The following RIMS1 variants were observed in gnomAD, a reference collection of about 807,000 sequenced individuals.
RIMS1 encodes regulating synaptic membrane exocytosis protein 1.
RIMS1 carries 83 observed loss-of-function variants against 214.1 expected under a neutral mutation model. The observed-to-expected ratio is 0.39, with a 90% CI of 0.32 to 0.47. RIMS1 has a LOEUF of 0.47. Ranked by LOEUF, RIMS1 falls within the 20% of genes least tolerant of loss-of-function variation. The pLI, the probability that RIMS1 is intolerant of heterozygous loss-of-function variation, is 0.99. For missense variants in RIMS1, 2,050 were observed against 2,161.8 expected (o/e 0.95, Z 1.03); for synonymous variants, 793 against 786.8 (o/e 1.01, Z -0.13).
intron 2 of RIMS1, among the ~76,000 whole-genome samples, chr6:72,086,956 C>G (rs1834808918): frequency 6.6e-6 from 1 of 152,092 alleles, no homozygotes; most frequent in African/African-American, 2.4e-5. Context: ...ATAATGAGGG[C>G]CTTCATTCAC....
At chr6:72,235,964 G>C (rs1486720155) in intron 8 of RIMS1, among the ~76,000 whole-genome samples, 1 of 152,062 alleles carries the variant, frequency 6.6e-6, no homozygotes, top group East Asian at 1.9e-4. Context: ...AGTAGCATAG[G>C]TAATGTGGAC....
intron 29 of RIMS1, among the ~76,000 whole-genome samples, chr6:72,376,138 C>T (rs2098370934): frequency 6.6e-6 from 1 of 152,116 alleles, no homozygotes; most frequent in Non-Finnish European, 1.5e-5. Flanking sequence ...GTAAATAATG[C>T]TTTCACATTC....
intron 2 of RIMS1, among the ~76,000 whole-genome samples, chr6:72,045,394 C>G (rs1360248998): frequency 1.3e-5 from 2 of 151,856 alleles, no homozygotes; most frequent in Admixed American, 6.6e-5. Flanking sequence ...TATTTATTAT[C>G]TTAAAAACTC....
chr6:72,338,844 T>C (rs1214299567), intron 29 of RIMS1, among the ~76,000 whole-genome samples: 1 of 128,624 alleles, frequency 7.8e-6, no homozygotes, highest in African/African-American at 3.0e-5. Context: ...TTTAACCAAC[T>C]TGTGAAGAGA....
chr6:72,401,433 A>T lies in RIMS1; in HGVS notation c.*719A>T, dbSNP rs568710175. 6.6e-6 allele frequency: 1 copy of T among 152,568 alleles called. No homozygotes were observed. The highest frequency in any genetic ancestry group is 1.5e-5 in the Non-Finnish European group (1 of 68,028). 9.5% of individuals were successfully genotyped at this position (152,568 alleles called of 1,614,324 possible). A position where few individuals can be genotyped will look rare whatever the true frequency, so the allele number is the denominator to read the frequency against. On this transcript the variant is annotated 3_prime_UTR_variant, in exon 34 of 34. Transcript: ENST00000521978. Reference sequence around the variant, plus strand: ...TCTTATGTGTGGATACCCAAGAGACAAAAAGTTATCTTCCAAAATAAATAA... The same window carrying T: ...TCTTATGTGTGGATACCCAAGAGACTAAAAGTTATCTTCCAAAATAAATAA...
At chr6:72,254,746 A>T (rs754857573) in intron 16 of RIMS1, among the ~76,000 whole-genome samples, 1 of 152,212 alleles carries the variant, frequency 6.6e-6, no homozygotes, top group African/African-American at 2.4e-5. Flanking sequence ...GTGAGAAGTC[A>T]AAGTGAGTTA....
intron 4 of RIMS1, among the ~76,000 whole-genome samples, chr6:72,125,448 C>A (rs2039315393): frequency 6.6e-6 from 1 of 152,200 alleles, no homozygotes; most frequent in Admixed American, 6.5e-5. Flanking sequence ...GTCAGGGACC[C>A]ACTTGAGGAG....
chr6:72,162,954 G>T lies in RIMS1; in HGVS notation c.472-16621G>T, dbSNP rs555036642. 1.4e-3 allele frequency among the ~76,000 whole-genome samples: 196 copies of T among 136,064 alleles called. 15 individuals are homozygous for T. The highest frequency in any genetic ancestry group is 2.7e-3 in the Admixed American group (36 of 13,368). The allele number at this position is 136,064 out of a possible 152,430, so 89.3% of individuals were successfully genotyped here. ...TGGCCTGCCTTGCCAGATTGGGGAAGTTCTCCTGGATAATATCCTGCAGAG... is the reference window on the plus strand; with the variant it reads ...TGGCCTGCCTTGCCAGATTGGGGAATTTCTCCTGGATAATATCCTGCAGAG... On this transcript the variant is annotated intron_variant, in intron 4 of 33. Coordinates refer to ENST00000521978, the MANE Select transcript of RIMS1 (RefSeq NM_014989.7).
At chr6:72,202,833 A>AG (rs1562567036) in intron 6 of RIMS1, among the ~76,000 whole-genome samples, 4 of 70,752 alleles carry the variant, frequency 5.7e-5, no homozygotes, top group African/African-American at 3.0e-4. Flanking sequence ...ATGTTACTTA[A>AG]CCCCTAAGTC....
intron 2 of RIMS1, among the ~76,000 whole-genome samples, chr6:71,998,182 C>T (rs1562065607): frequency 6.6e-6 from 1 of 152,024 alleles, no homozygotes; most frequent in Non-Finnish European, 1.5e-5. Flanking sequence ...CATTTATCTA[C>T]TTTATGTGGA....
intron 2 of RIMS1, among the ~76,000 whole-genome samples, chr6:71,982,616 C>A (rs544129090): frequency 9.0e-4 from 137 of 152,244 alleles, no homozygotes; most frequent in Middle Eastern, 3.4e-3. Flanking sequence ...CAGCTCCCCA[C>A]TTCCTTGTGT....
chr6:72,151,348 T>A (rs1235137864), intron 4 of RIMS1, among the ~76,000 whole-genome samples: 1 of 152,164 alleles, frequency 6.6e-6, no homozygotes, highest in Admixed American at 6.5e-5. Flanking sequence ...GGCCCATATA[T>A]TCTATTTTAA....
At chr6:71,934,384 A>G (rs1562226377) in intron 1 of RIMS1, among the ~76,000 whole-genome samples, 1 of 152,192 alleles carries the variant, frequency 6.6e-6, no homozygotes, top group Non-Finnish European at 1.5e-5. Flanking sequence ...CAAGTATTAC[A>G]ATTATCTACC....
chr6:72,232,944 T>C (rs1268834697), intron 6 of RIMS1, among the ~76,000 whole-genome samples: 1 of 151,862 alleles, frequency 6.6e-6, no homozygotes, highest in East Asian at 1.9e-4. Context: ...TGTTTTTCTC[T>C]TTCAAGATCT....
chr6:72,260,553 T>G, intron 18 of RIMS1, 152 bp from the exon 19 acceptor site: 1 of 1,030,906 alleles, frequency 9.7e-7, no homozygotes, highest in Non-Finnish European at 1.4e-6. Context: ...TTTTAAATGC[T>G]TTTATGTTTA....
At chr6:72,303,930 A>T (rs1365768715) in intron 26 of RIMS1, among the ~76,000 whole-genome samples, 1 of 151,646 alleles carries the variant, frequency 6.6e-6, no homozygotes, top group Non-Finnish European at 1.5e-5. Context: ...TATAATCACA[A>T]AATCTATAAT....
chr6:72,237,828 T>G lies in RIMS1; in HGVS notation c.1863T>G (p.Val621=). The G allele has an allele frequency of 6.2e-7, 1 of 1,612,028 alleles. No individual in the cohort carries two copies. Among genetic ancestry groups the G allele is most frequent in the Non-Finnish European group, 8.5e-7 (1 of 1,178,276 alleles). ...DSGALLGLKV[V]GGKMTDLGRL... ...ATAAATTTGTAATTATCCAGGTTGT[T>G]GGAGGAAAAATGACTGACTTAGGAC... The change falls in exon 9 of 34, where the codon GTT becomes GTG. Residue 621 remains valine, a synonymous_variant. Transcript: ENST00000521978.
intron 1 of RIMS1, among the ~76,000 whole-genome samples, chr6:71,923,093 C>A (rs1273017479): frequency 6.6e-6 from 1 of 152,164 alleles, no homozygotes; most frequent in Non-Finnish European, 1.5e-5. Flanking sequence ...TCTCCTCCCA[C>A]AACTTCCATC....
intron 1 of RIMS1, among the ~76,000 whole-genome samples, chr6:71,933,702 A>ACACACG (rs1180033236): frequency 6.6e-6 from 1 of 151,542 alleles, no homozygotes; most frequent in Non-Finnish European, 1.5e-5. Flanking sequence ...ACACACACAC[A>ACACACG]CACACACACA....
Sources: gnomAD v4.1 joint callset for allele counts (sites outside exome capture counted in the v4.1 genomes callset) on GRCh38, gnomAD v4.1.1 for gene constraint, MANE v1.5 for transcripts, NCBI Gene and HGNC (gene_info 2026-07-23, HGNC 2026-07-21) for gene names.